Variants in RAB7B observed in about 807,000 individuals in gnomAD.
The protein encoded by RAB7B is ras-related protein Rab-7b.
intron 4 of RAB7B, among the ~76,000 whole-genome samples, chr1:205,991,010 A>G (rs1365392970): frequency 2.0e-5 from 3 of 151,928 alleles, no homozygotes; most frequent in African/African-American, 7.3e-5. Context: ...AGACCTCATG[A>G]TTCGCCTGCC....
At chr1:205,994,058 A>C (rs1010733448) in intron 2 of RAB7B, 25 bp downstream of exon 2, 1 of 398,508 alleles carries the variant, frequency 2.5e-6, no homozygotes, top group Non-Finnish European at 4.4e-6. Flanking sequence ...CTGCTTCCCA[A>C]CTCCCAGAGC....
At chr1:206,001,784 C>A (rs1482132826) in intron 1 of RAB7B, among the ~76,000 whole-genome samples, 2 of 152,296 alleles carry the variant, frequency 1.3e-5, no homozygotes, top group African/African-American at 4.8e-5. Context: ...TGTAGCTCAG[C>A]CCCTGTGGAG....
At chr1:205,991,270 A>G (rs1660718451) in intron 4 of RAB7B, among the ~76,000 whole-genome samples, 1 of 152,194 alleles carries the variant, frequency 6.6e-6, no homozygotes. Context: ...TCTCACCCAC[A>G]GCTGGTCCCA....
chr1:206,000,156 C>T (rs1201928254), intron 1 of RAB7B, among the ~76,000 whole-genome samples: 30 of 151,990 alleles, frequency 2.0e-4, no homozygotes, highest in Admixed American at 1.8e-3. Flanking sequence ...AATCACTGAA[C>T]GTTTTATATA....
intron 4 of RAB7B, among the ~76,000 whole-genome samples, chr1:205,987,131 C>G (rs1216050093): frequency 1.3e-5 from 2 of 152,060 alleles, no homozygotes; most frequent in Non-Finnish European, 2.9e-5. Flanking sequence ...TTTATATCTC[C>G]CCCTCCTCCC....
intron 1 of RAB7B, among the ~76,000 whole-genome samples, chr1:205,999,779 C>A (rs1213697618): frequency 6.6e-6 from 1 of 152,066 alleles, no homozygotes; most frequent in Non-Finnish European, 1.5e-5. Flanking sequence ...ATTTATCTGT[C>A]TATTTAGAGA....
intron 1 of RAB7B, among the ~76,000 whole-genome samples, chr1:205,995,346 C>T (rs1048744803): frequency 5.9e-5 from 9 of 152,080 alleles, no homozygotes; most frequent in East Asian, 1.9e-4. Flanking sequence ...TATAGAAAAA[C>T]GCCTGGAAGG....
chr1:205,990,993 G>A (rs1005076668), intron 4 of RAB7B, among the ~76,000 whole-genome samples: 4 of 151,816 alleles, frequency 2.6e-5, no homozygotes, highest in Admixed American at 2.0e-4. Flanking sequence ...GTCTGGTCTC[G>A]AACTCCAGAC....
intron 4 of RAB7B, among the ~76,000 whole-genome samples, chr1:205,989,037 A>G (rs1221109858): frequency 2.6e-5 from 4 of 151,968 alleles, no homozygotes; most frequent in South Asian, 2.1e-4. Flanking sequence ...ACTGTCGCTC[A>G]GTGCCTCCTC....
Position 205,992,499 on chromosome 1 carries a change from A to G in RAB7B, c.377T>C (p.Ile126Thr), listed in dbSNP as rs1007513883. 6 of 398,550 alleles carry G rather than the reference A, an allele frequency of 1.5e-5. No individual in the cohort carries two copies. Among genetic ancestry groups the G allele is most frequent in the African/African-American group, 1.0e-4 (5 of 48,638 alleles). 24.7% of individuals were successfully genotyped at this position (398,550 alleles called of 1,614,324 possible). Residue 126 changes from isoleucine to threonine, a missense_variant, in exon 4 of 6, where the codon ATC becomes ACC. By Grantham distance (89) the Ile-to-Thr change is moderately conservative. Coordinates refer to ENST00000617070, the MANE Select transcript of RAB7B (RefSeq NM_001164522.3). ...SYPMVLLGNK[I>T]DLADRKVPQE... ...CAGTACCTTCCGGTCTGCCAGATCGATCTTGTTCCCCAACAACACCATGGG... is the reference window on the plus strand; with the variant it reads ...CAGTACCTTCCGGTCTGCCAGATCGGTCTTGTTCCCCAACAACACCATGGG...
At chr1:205,983,313 C>T (rs1487245679) in intron 5 of RAB7B, among the ~76,000 whole-genome samples, 2 of 152,198 alleles carry the variant, frequency 1.3e-5, no homozygotes, top group African/African-American at 4.8e-5. Context: ...CCATGGCCTA[C>T]CATCTCCACC....
intron 1 of RAB7B, among the ~76,000 whole-genome samples, chr1:206,001,311 GAAA>G (rs1660887527): frequency 6.6e-6 from 1 of 150,996 alleles, no homozygotes; most frequent in Non-Finnish European, 1.5e-5. Context: ...TTTTTTATTA[GAAA>G]CTTTTTAACT....
In RAB7B at chr1:205,995,162, A is replaced by G. The variant is rs886986460; in HGVS notation, c.-16-1011T>C. 3.6e-4 allele frequency among the ~76,000 whole-genome samples: 55 copies of G among 152,254 alleles called. No individual in the cohort carries two copies. In the Middle Eastern group the frequency reaches 0.01, roughly 28 times the overall value. On this transcript the variant is annotated intron_variant, in intron 1 of 5. Coordinates refer to ENST00000617070, the MANE Select transcript of RAB7B (RefSeq NM_001164522.3). ...TTAGGAGATATACCTAATGTAAATG[A>G]TGAGTTAATGGGTGCAGCACAACAA... is the stretch of plus-strand genomic sequence containing the variant.
At chr1:205,981,192 T>G (rs1352474796) in intron 5 of RAB7B, among the ~76,000 whole-genome samples, 3 of 152,160 alleles carry the variant, frequency 2.0e-5, no homozygotes, top group African/African-American at 4.8e-5. Flanking sequence ...TGAGCCACCA[T>G]GCCCAGCCAG....
intron 4 of RAB7B, among the ~76,000 whole-genome samples, chr1:205,986,318 A>G (rs1011781999): frequency 1.1e-3 from 161 of 152,278 alleles, no homozygotes; most frequent in Non-Finnish European, 1.8e-3. Flanking sequence ...AACTCATCTC[A>G]TCCTCTCCAT....
chr1:205,993,365 T>G (rs1476255844), intron 3 of RAB7B, 55 bp downstream of exon 3: 2 of 397,846 alleles, frequency 5.0e-6, no homozygotes, highest in African/African-American at 2.1e-5. Context: ...CTGTCCGGGC[T>G]TGGGGGGGAT....
intron 5 of RAB7B, among the ~76,000 whole-genome samples, chr1:205,981,296 A>T (rs1660486511): frequency 1.3e-5 from 2 of 152,250 alleles, no homozygotes; most frequent in African/African-American, 4.8e-5. Flanking sequence ...CCTTCGTCAT[A>T]TTTTGGAACA....
At chr1:205,987,264 A>G (rs993473764) in intron 4 of RAB7B, among the ~76,000 whole-genome samples, 2 of 152,202 alleles carry the variant, frequency 1.3e-5, no homozygotes, top group South Asian at 2.1e-4. Context: ...TGTTTATAAA[A>G]TGAAAATTAT....
intron 4 of RAB7B, among the ~76,000 whole-genome samples, chr1:205,987,379 G>A (rs1276452306): frequency 1.3e-5 from 2 of 152,080 alleles, no homozygotes; most frequent in Non-Finnish European, 2.9e-5. Flanking sequence ...TGTTGCTTTT[G>A]GTCAACAATA....
Sources: gnomAD v4.1 joint callset for allele counts (sites outside exome capture counted in the v4.1 genomes callset) on GRCh38, gnomAD v4.1.1 for gene constraint, MANE v1.5 for transcripts, NCBI Gene and HGNC (gene_info 2026-07-23, HGNC 2026-07-21) for gene names.